UCK2: variants seen among roughly 807,000 people sequenced by gnomAD.
The protein encoded by UCK2 is uridine-cytidine kinase 2.
UCK2 carries 6 observed loss-of-function variants against 30.8 expected under a neutral mutation model. The ratio of observed to expected loss-of-function variants is 0.19; its 90% CI spans 0.11 to 0.38. The LOEUF (loss-of-function observed/expected upper bound fraction) is 0.38, where lower values mean the gene tolerates loss of function less well. Among genes scored for constraint, UCK2 ranks in the 10% least tolerant of loss-of-function variants. The pLI, the probability that UCK2 is intolerant of heterozygous loss-of-function variation, is 1.00. For synonymous variants in UCK2, 125 were observed against 133.6 expected, an observed-to-expected ratio of 0.94 and a Z score of 0.45; for missense variants, 210 against 339.8, an observed-to-expected ratio of 0.62 and a Z score of 3.00.
At chr1:165,897,685 C>T (rs997295691) in intron 4 of UCK2, among the ~76,000 whole-genome samples, 2 of 152,144 alleles carry the variant, frequency 1.3e-5, no homozygotes, top group Admixed American at 6.5e-5. Context: ...TGTAGTTTAT[C>T]CCATTTAGCA....
intron 1 of UCK2, among the ~76,000 whole-genome samples, chr1:165,860,697 G>C (rs1184173878): frequency 6.6e-6 from 1 of 152,064 alleles, no homozygotes; most frequent in African/African-American, 2.4e-5. Context: ...TGATTCATAC[G>C]CCTCAGCCTC....
chr1:165,837,594 C>G (rs1654227818), intron 1 of UCK2, among the ~76,000 whole-genome samples: 1 of 152,098 alleles, frequency 6.6e-6, no homozygotes. Flanking sequence ...CTAAACAGAC[C>G]TCAGTTACAG....
chr1:165,851,551 G>A (rs1162287531), intron 1 of UCK2, among the ~76,000 whole-genome samples: 2 of 151,950 alleles, frequency 1.3e-5, no homozygotes, highest in Non-Finnish European at 2.9e-5. Flanking sequence ...GCCACTCCCC[G>A]ACCCCTGCAA....
At chr1:165,888,928 T>C (rs1371944595) in intron 1 of UCK2, among the ~76,000 whole-genome samples, 1 of 152,390 alleles carries the variant, frequency 6.6e-6, no homozygotes, top group East Asian at 1.9e-4. Context: ...TCTCATTCTA[T>C]TGAATGCACT....
At chr1:165,875,964 C>T (rs1174658163) in intron 1 of UCK2, among the ~76,000 whole-genome samples, 3 of 152,226 alleles carry the variant, frequency 2.0e-5, no homozygotes, top group African/African-American at 7.2e-5. Context: ...ATTCCTGCCT[C>T]GGGCCAGGTG....
chr1:165,907,933 C>T lies in UCK2; in HGVS notation c.*110C>T. 3 of 1,396,706 alleles carry T rather than the reference C, an allele frequency of 2.1e-6. No individual in the cohort carries two copies. Among genetic ancestry groups the T allele is most frequent in the Non-Finnish European group, 2.9e-6 (3 of 1,051,556 alleles). 86.5% of individuals were successfully genotyped at this position (1,396,706 alleles called of 1,614,324 possible). A position where few individuals can be genotyped will look rare whatever the true frequency, so the allele number is the denominator to read the frequency against. On this transcript the variant is annotated 3_prime_UTR_variant, in exon 7 of 7. Transcript: ENST00000367879. ...TATGACATTACTGTATTTAAGAAAACACCATGGAGATGAAATGCCTTTGAT... is the reference window on the plus strand; with the variant it reads ...TATGACATTACTGTATTTAAGAAAATACCATGGAGATGAAATGCCTTTGAT...
At chr1:165,891,363 C>T (rs1655763174) in intron 3 of UCK2, 41 bp downstream of exon 3, 5 of 1,569,116 alleles carry the variant, frequency 3.2e-6, no homozygotes, top group Non-Finnish European at 4.4e-6. Context: ...ACCCACTGCT[C>T]CGCAGAGCAT....
chr1:165,883,290 T>C (rs1432384314), intron 1 of UCK2, among the ~76,000 whole-genome samples: 2 of 152,134 alleles, frequency 1.3e-5, no homozygotes, highest in East Asian at 3.8e-4. Context: ...TGCATAGTCA[T>C]GAGGAACTGC....
At chr1:165,886,530 A>G (rs182357701) in intron 1 of UCK2, among the ~76,000 whole-genome samples, 1 of 152,324 alleles carries the variant, frequency 6.6e-6, no homozygotes, top group East Asian at 1.9e-4. Flanking sequence ...CCTGGGCTCA[A>G]GTGATCCTCC....
intron 4 of UCK2, among the ~76,000 whole-genome samples, chr1:165,897,287 C>T (rs987158303): frequency 6.6e-6 from 1 of 152,042 alleles, no homozygotes; most frequent in Non-Finnish European, 1.5e-5. Flanking sequence ...CTGTGTTGGA[C>T]ACTGGTTCTG....
intron 1 of UCK2, 107 bp from the exon 2 acceptor site, chr1:165,890,097 A>C: frequency 7.8e-7 from 1 of 1,284,450 alleles, no homozygotes; most frequent in Non-Finnish European, 1.1e-6. Context: ...TCTTCCTTCC[A>C]GAGCCCCTTC....
intron 1 of UCK2, among the ~76,000 whole-genome samples, chr1:165,866,532 AATATAC>A (rs1655051064): frequency 6.6e-6 from 1 of 152,220 alleles, no homozygotes; most frequent in Non-Finnish European, 1.5e-5. Flanking sequence ...ATTCTGGCAA[AATATAC>A]ATAACGTAAA....
chr1:165,837,015 GA>G (rs1411838676), intron 1 of UCK2, among the ~76,000 whole-genome samples: 1 of 152,064 alleles, frequency 6.6e-6, no homozygotes, highest in Non-Finnish European at 1.5e-5. Context: ...TTTCAAACAA[GA>G]GGTTCCTTTT....
chr1:165,844,062 C>G (rs1654390874), intron 1 of UCK2, among the ~76,000 whole-genome samples: 1 of 152,128 alleles, frequency 6.6e-6, no homozygotes, highest in Non-Finnish European at 1.5e-5. Context: ...AGGTAAGGTA[C>G]TATAATTATC....
intron 1 of UCK2, among the ~76,000 whole-genome samples, chr1:165,879,464 G>A (rs1161001292): frequency 6.6e-6 from 1 of 152,030 alleles, no homozygotes; most frequent in Non-Finnish European, 1.5e-5. Context: ...TGAAATAAGA[G>A]TTTGGCCCAT....
chr1:165,907,519 GCA>G (rs1318564581), intron 6 of UCK2, among the ~76,000 whole-genome samples, 163 bp from the exon 7 acceptor site: 1 of 152,184 alleles, frequency 6.6e-6, no homozygotes, highest in East Asian at 1.9e-4. Context: ...ATTAGCTCAG[GCA>G]GAGCCACTGG....
rs1409982176 is a variant in UCK2 at position 165,911,080 on chromosome 1, C to G, written c.*3257C>G. 1 of 152,306 alleles carries G rather than the reference C, an allele frequency of 6.6e-6. No homozygotes were observed. Among genetic ancestry groups the G allele is most frequent in the Non-Finnish European group, 1.5e-5 (1 of 68,128 alleles). The allele number at this position is 152,306 out of a possible 1,614,324, so 9.4% of individuals were successfully genotyped here. A position where few individuals can be genotyped will look rare whatever the true frequency, so the allele number is the denominator to read the frequency against. ...CACAGCTGTTGGAGGGAAGTAGCCT[C>G]TTGCAGGGAAATATTTTCCCCTGCC... On this transcript the variant is annotated 3_prime_UTR_variant, in exon 7 of 7. Coordinates refer to ENST00000367879, the MANE Select transcript of UCK2 (RefSeq NM_012474.5).
intron 4 of UCK2, 102 bp downstream of exon 4, chr1:165,896,434 T>A: frequency 7.2e-7 from 1 of 1,381,814 alleles, no homozygotes; most frequent in Non-Finnish European, 1.0e-6. Flanking sequence ...CTGAAGCCCA[T>A]GCCTTCCCTG....
rs750993225 is a variant in UCK2 at position 165,907,868 on chromosome 1, A to T, written c.*45A>T. The T allele has an allele frequency of 1.1e-5, 18 of 1,605,252 alleles. No homozygotes were observed. In the Admixed American group the frequency reaches 2.9e-4, roughly 26 times the overall value. ...AGCCCCTATCTCCAAGAGACAGAGGAGGGGTCAGGAGGCACTGCTCATCTG... is the reference window on the plus strand; with the variant it reads ...AGCCCCTATCTCCAAGAGACAGAGGTGGGGTCAGGAGGCACTGCTCATCTG... On this transcript the variant is annotated 3_prime_UTR_variant, in exon 7 of 7. Transcript: ENST00000367879.
Sources: gnomAD v4.1 joint callset for allele counts (sites outside exome capture counted in the v4.1 genomes callset) on GRCh38, gnomAD v4.1.1 for gene constraint, MANE v1.5 for transcripts, NCBI Gene and HGNC (gene_info 2026-07-23, HGNC 2026-07-21) for gene names.